Variants in MED12L observed in about 807,000 individuals in gnomAD.
MED12L encodes the protein mediator of RNA polymerase II transcription subunit 12-like protein.
A neutral mutation model predicts 281.3 loss-of-function variants in MED12L; 60 were observed. The ratio of observed to expected loss-of-function variants is 0.21; its 90% CI spans 0.17 to 0.26. MED12L has a LOEUF of 0.26. Among genes scored for constraint, MED12L ranks in the 10% least tolerant of loss-of-function variants. The pLI is 1.00. For synonymous variants in MED12L, 974 were observed against 987.2 expected, an observed-to-expected ratio of 0.99 and a Z score of 0.25; for missense variants, 2,146 against 2,680.9, an observed-to-expected ratio of 0.80 and a Z score of 4.41.
chr3:151,421,496 C>T (rs921674438), intron 43 of MED12L, among the ~76,000 whole-genome samples: 1 of 152,062 alleles, frequency 6.6e-6, no homozygotes, highest in Non-Finnish European at 1.5e-5. Context: ...CTGCAACCTG[C>T]ACCTCCCGAG....
intron 16 of MED12L, among the ~76,000 whole-genome samples, chr3:151,285,054 A>T (rs888379471): frequency 6.6e-6 from 1 of 152,220 alleles, no homozygotes; most frequent in African/African-American, 2.4e-5. Context: ...AAAGAAACAA[A>T]ATAATGGCAT....
At chr3:151,109,403 A>T (rs891666) in intron 2 of MED12L, among the ~76,000 whole-genome samples, 89,284 of 152,096 alleles carry the variant, frequency 0.59, 29,244 homozygotes, top group African/African-American at 0.89. Flanking sequence ...CACAGGCCTT[A>T]CATATTAGCA....
In MED12L at chr3:151,264,128, T is replaced by C. The variant is rs912820352; in HGVS notation, c.2250+70462T>C. Reference sequence around the variant, plus strand: ...TAACCATTTTTCTGTTACTGGACATTTGGGTTATTTCATTGTTCAGTGTTT... The same window carrying C: ...TAACCATTTTTCTGTTACTGGACATCTGGGTTATTTCATTGTTCAGTGTTT... On this transcript the variant is annotated intron_variant, in intron 16 of 44. Transcript: ENST00000687756. Among the ~76,000 whole-genome samples the C allele has an allele frequency of 7.2e-5, 11 of 152,348 alleles. No homozygotes were observed. In the East Asian group the frequency reaches 1.9e-3, roughly 27 times the overall value.
intron 16 of MED12L, among the ~76,000 whole-genome samples, chr3:151,329,927 G>T (rs1428726506): frequency 6.6e-6 from 1 of 152,134 alleles, no homozygotes; most frequent in Non-Finnish European, 1.5e-5. Context: ...GGATTTTCCA[G>T]TAATTTGTGT....
chr3:151,162,950 G>A (rs1464812246), intron 8 of MED12L, among the ~76,000 whole-genome samples: 3 of 152,116 alleles, frequency 2.0e-5, no homozygotes, highest in Non-Finnish European at 4.4e-5. Flanking sequence ...TAGGGTTAAG[G>A]TTATGATGAC....
intron 19 of MED12L, among the ~76,000 whole-genome samples, chr3:151,356,927 A>AGT (rs1040125742): frequency 1.3e-5 from 2 of 152,040 alleles, no homozygotes; most frequent in African/African-American, 4.8e-5. Flanking sequence ...AGGGGAGAAA[A>AGT]GTGAGGGGTG....
intron 16 of MED12L, among the ~76,000 whole-genome samples, chr3:151,230,100 G>C (rs1731345682): frequency 6.6e-6 from 1 of 152,148 alleles, no homozygotes; most frequent in African/African-American, 2.4e-5. Context: ...CTCCCAAGTA[G>C]CTGGGACTAC....
chr3:151,258,634 C>G (rs762595566), intron 16 of MED12L, among the ~76,000 whole-genome samples: 6 of 151,990 alleles, frequency 3.9e-5, no homozygotes, highest in Admixed American at 6.6e-5. Context: ...AATAAACATC[C>G]TTGGGCTTTT....
At chr3:151,216,155 A>G (rs1728176779) in intron 16 of MED12L, among the ~76,000 whole-genome samples, 1 of 152,148 alleles carries the variant, frequency 6.6e-6, no homozygotes, top group Non-Finnish European at 1.5e-5. Context: ...TTTACTCTTG[A>G]ATTCTTTGCA....
chr3:151,393,496 C>T (rs1439615166), intron 38 of MED12L, among the ~76,000 whole-genome samples: 1 of 152,044 alleles, frequency 6.6e-6, no homozygotes, highest in African/African-American at 2.4e-5. Flanking sequence ...TTCTGTCCTG[C>T]TCCCCCACAA....
At chr3:151,352,412 C>T (rs1753346065) in intron 17 of MED12L, among the ~76,000 whole-genome samples, 1 of 152,106 alleles carries the variant, frequency 6.6e-6, no homozygotes, top group East Asian at 1.9e-4. Flanking sequence ...GTTCCTTAAC[C>T]AGAAAGCTGT....
chr3:151,412,001 A>G (rs1247573113), intron 41 of MED12L, among the ~76,000 whole-genome samples: 1 of 152,236 alleles, frequency 6.6e-6, no homozygotes, highest in East Asian at 1.9e-4. Flanking sequence ...CAGGATTATG[A>G]TAGACTTTTT....
chr3:151,252,752 G>T lies in MED12L; in HGVS notation c.2250+59086G>T, dbSNP rs936384582. ...CAGTTTGCTATGCAGGAGTAGGTTT[G>T]TTCATATGTAATCTACTAACTTATC... On this transcript the variant is annotated intron_variant, in intron 16 of 44. Transcript: ENST00000687756. 2.0e-5 allele frequency among the ~76,000 whole-genome samples: 3 copies of T among 152,082 alleles called. No homozygotes were observed. In the East Asian group the frequency reaches 5.8e-4, roughly 29 times the overall value.
intron 10 of MED12L, 109 bp downstream of exon 10, chr3:151,165,628 A>T: frequency 9.9e-7 from 1 of 1,007,644 alleles, no homozygotes; most frequent in Non-Finnish European, 1.5e-6. Flanking sequence ...TGACAGAGCC[A>T]CTTGGTGAAT....
chr3:151,400,903 A>C (rs1159963037), intron 39 of MED12L, among the ~76,000 whole-genome samples: 3 of 152,224 alleles, frequency 2.0e-5, no homozygotes, highest in African/African-American at 7.2e-5. Flanking sequence ...ATAATGCTGT[A>C]GATTATTTTT....
chr3:151,281,749 C>T (rs1742842443), intron 16 of MED12L, among the ~76,000 whole-genome samples: 1 of 152,120 alleles, frequency 6.6e-6, no homozygotes, highest in Non-Finnish European at 1.5e-5. Flanking sequence ...GACAACCACC[C>T]CTAGCCCACC....
Position 151,192,541 on chromosome 3 carries a change from G to A in MED12L, c.1969-9G>A, listed in dbSNP as rs778545427. On this transcript the variant is annotated splice_polypyrimidine_tract_variant and intron_variant, in intron 14 of 44. Coordinates refer to ENST00000687756, the MANE Select transcript of MED12L (RefSeq NM_001393769.1). ...TACAATGTTACTTTCTTTCTCTGGC[G>A]ATTATCAGGAACAGAGTATTATGGC... The A allele has an allele frequency of 1.6e-5, 25 of 1,517,314 alleles. No individual in the cohort carries two copies. In the African/African-American group the frequency reaches 2.3e-4, roughly 14 times the overall value. The allele number at this position is 1,517,314 out of a possible 1,614,324, so 94.0% of individuals were successfully genotyped here. A position where few individuals can be genotyped will look rare whatever the true frequency, so the allele number is the denominator to read the frequency against.
At chr3:151,141,002 G>T (rs1320004229) in intron 5 of MED12L, among the ~76,000 whole-genome samples, 2 of 151,854 alleles carry the variant, frequency 1.3e-5, no homozygotes, top group Non-Finnish European at 2.9e-5. Context: ...CGAGTAGCTG[G>T]GACTACAGGC....
Position 151,275,501 on chromosome 3 carries a change from A to G in MED12L, c.2251-74558A>G, listed in dbSNP as rs187782433. 5.4e-4 allele frequency among the ~76,000 whole-genome samples: 83 copies of G among 152,318 alleles called. No individual in the cohort carries two copies. In the South Asian group the frequency reaches 8.9e-3, roughly 16 times the overall value. ...ATACCGAGTAAAGACAAAAATTTCA[A>G]AGGAATCTAATCAGATCTAAAAGCA... On this transcript the variant is annotated intron_variant, in intron 16 of 44. Transcript: ENST00000687756.
Sources: gnomAD v4.1 joint callset for allele counts (sites outside exome capture counted in the v4.1 genomes callset) on GRCh38, gnomAD v4.1.1 for gene constraint, MANE v1.5 for transcripts, NCBI Gene and HGNC (gene_info 2026-07-23, HGNC 2026-07-21) for gene names.